Variants in FUBP3 observed in about 807,000 individuals in gnomAD.
FUBP3 encodes the protein far upstream element-binding protein 3.
A neutral mutation model predicts 85.6 loss-of-function variants in FUBP3; 28 were observed. The ratio of observed to expected loss-of-function variants is 0.33; its 90% confidence interval spans 0.24 to 0.45. The LOEUF is 0.45. Among genes scored for constraint, FUBP3 ranks in the 20% least tolerant of loss-of-function variants. The probability of loss-of-function intolerance (pLI) is 1.00; values close to 1 mark genes in which losing one functional copy is unlikely to be tolerated. For synonymous variants in FUBP3, 271 were observed against 271.4 expected (o/e 1.00, Z 0.01); for missense variants, 583 against 755.1 (o/e 0.77, Z 2.67).
In FUBP3 at chr9:130,617,779, G is replaced by C. The variant is rs182546437; in HGVS notation, c.568-18G>C. The stretch of plus-strand genomic sequence containing the variant: ...CCTGCATTATTCATGAGGCTGTGCT[G>C]GTGTGTGTTCCCCACAGGAGCGGAC... On this transcript the variant is annotated intron_variant, in intron 7 of 18. Coordinates refer to ENST00000319725, the MANE Select transcript of FUBP3 (RefSeq NM_003934.2). 355 of 1,437,870 alleles carry C rather than the reference G, an allele frequency of 2.5e-4. No homozygotes were observed. Among genetic ancestry groups the C allele is most frequent in the Non-Finnish European group, 3.3e-4 (333 of 1,019,226 alleles). The allele number at this position is 1,437,870 out of a possible 1,614,324, so 89.1% of individuals were successfully genotyped here.
At chr9:130,605,036 A>G (rs992959638) in intron 2 of FUBP3, among the ~76,000 whole-genome samples, 25 of 152,182 alleles carry the variant, frequency 1.6e-4, no homozygotes, top group Admixed American at 1.3e-3. Context: ...CCCTTATTAT[A>G]TATGGTACAT....
chr9:130,617,786 G>C lies in FUBP3; in HGVS notation c.568-11G>C. The C allele has an allele frequency of 1.3e-6, 2 of 1,526,378 alleles. No individual in the cohort carries two copies. Among genetic ancestry groups the C allele is most frequent in the Non-Finnish European group, 9.1e-7 (1 of 1,099,982 alleles). 94.6% of individuals were successfully genotyped at this position (1,526,378 alleles called of 1,614,324 possible). ...TATTCATGAGGCTGTGCTGGTGTGT[G>C]TTCCCCACAGGAGCGGACAGGGGTG... On this transcript the variant is annotated splice_polypyrimidine_tract_variant and intron_variant, in intron 7 of 18. Coordinates refer to ENST00000319725, the MANE Select transcript of FUBP3 (RefSeq NM_003934.2).
At chr9:130,599,383 G>GTGTA (rs1554737426) in intron 2 of FUBP3, among the ~76,000 whole-genome samples, 8 of 142,760 alleles carry the variant, frequency 5.6e-5, no homozygotes, top group African/African-American at 8.2e-5. Flanking sequence ...GTGTGTGTGT[G>GTGTA]TATATATATA....
At position 130,612,610 on chromosome 9, in the gene FUBP3, TTG is replaced by T. The variant is rs1287206099; in HGVS notation, c.274+108_274+109del. 22 of 772,516 alleles carry T rather than the reference TTG, an allele frequency of 2.8e-5. No homozygotes were observed. The East Asian group carries it at 4.3e-4, about 15-fold the overall frequency. 47.9% of individuals were successfully genotyped at this position (772,516 alleles called of 1,614,324 possible). A position where few individuals can be genotyped will look rare whatever the true frequency, so the allele number is the denominator to read the frequency against. On this transcript the variant is annotated intron_variant, in intron 4 of 18. Transcript: ENST00000319725. The surrounding 1 kb of genome is among the most constrained non-coding windows in gnomAD (Gnocchi z 4.1). ...GATGTTCTTTTTGTTTTAATCTCTCTTGTGAGTATCACCTGTAGTAGAATGCT... is the reference window on the plus strand; with the variant it reads ...GATGTTCTTTTTGTTTTAATCTCTCTTGAGTATCACCTGTAGTAGAATGCT...
At chr9:130,633,243 T>A (rs59779452) in intron 16 of FUBP3, among the ~76,000 whole-genome samples, 2 of 152,218 alleles carry the variant, frequency 1.3e-5, no homozygotes, top group Non-Finnish European at 2.9e-5. Context: ...TCCCTTTTTT[T>A]CCCCAGTATC....
intron 11 of FUBP3, among the ~76,000 whole-genome samples, chr9:130,625,030 G>A (rs568457344): frequency 4.6e-5 from 7 of 152,304 alleles, no homozygotes; most frequent in African/African-American, 1.4e-4. Flanking sequence ...GACCAACATG[G>A]TGAGACCCGT....
At chr9:130,583,272 G>C (rs1173736005) in intron 1 of FUBP3, among the ~76,000 whole-genome samples, 1 of 152,206 alleles carries the variant, frequency 6.6e-6, no homozygotes, top group Non-Finnish European at 1.5e-5. Context: ...CACAGTTTAA[G>C]CCTGAGCAGT....
intron 1 of FUBP3, among the ~76,000 whole-genome samples, chr9:130,587,414 T>C (rs2119007325): frequency 6.6e-6 from 1 of 152,146 alleles, no homozygotes; most frequent in South Asian, 2.1e-4. Context: ...TTCGATGGAA[T>C]GGAAGGGGAA....
intron 12 of FUBP3, among the ~76,000 whole-genome samples, chr9:130,630,132 A>T (rs572958273): frequency 6.6e-6 from 1 of 152,338 alleles, no homozygotes; most frequent in East Asian, 1.9e-4. Context: ...GGCTCCAGGC[A>T]TGGTTGGGCC....
intron 3 of FUBP3, 127 bp downstream of exon 3, chr9:130,610,114 A>T (rs1831664367): frequency 1.3e-6 from 1 of 752,666 alleles, no homozygotes; most frequent in Non-Finnish European, 2.3e-6. Context: ...GGCTTCTTTA[A>T]GACTCGAGTT....
intron 1 of FUBP3, among the ~76,000 whole-genome samples, chr9:130,587,401 G>A (rs1352016949): frequency 1.3e-5 from 2 of 152,070 alleles, no homozygotes; most frequent in Non-Finnish European, 2.9e-5. Flanking sequence ...ATTGTTGGTG[G>A]AATTCGATGG....
intron 8 of FUBP3, among the ~76,000 whole-genome samples, chr9:130,618,258 T>C (rs1832109320): frequency 6.6e-6 from 1 of 152,224 alleles, no homozygotes; most frequent in Admixed American, 6.5e-5. Flanking sequence ...GTTGGTTTTT[T>C]GTTTTGTTTC....
intron 1 of FUBP3, among the ~76,000 whole-genome samples, chr9:130,591,013 T>G (rs964413508): frequency 6.9e-4 from 63 of 90,650 alleles, no homozygotes; most frequent in Admixed American, 2.6e-3. Context: ...TTGTTTGTTT[T>G]TGTTTTTTTT....
At chr9:130,632,937 C>T (rs897830255) in intron 16 of FUBP3, among the ~76,000 whole-genome samples, 2 of 152,260 alleles carry the variant, frequency 1.3e-5, no homozygotes, top group African/African-American at 2.4e-5. Context: ...GTACGATCCA[C>T]GTTCTTTTGA....
In FUBP3 at chr9:130,612,832, G is replaced by T; in HGVS notation, c.275-124G>T. The T allele has an allele frequency of 1.4e-6, 1 of 710,226 alleles. No homozygotes were observed. Among genetic ancestry groups the T allele is most frequent in the East Asian group, 2.5e-5 (1 of 39,274 alleles). 44.0% of individuals were successfully genotyped at this position (710,226 alleles called of 1,614,324 possible). A position where few individuals can be genotyped will look rare whatever the true frequency, so the allele number is the denominator to read the frequency against. ...CCCAAAGAGTGGAGATGGGCTCACG[G>T]GGGCCAACTCGATGTGTAGTATTGT... On this transcript the variant is annotated intron_variant, in intron 4 of 18. Coordinates refer to ENST00000319725, the MANE Select transcript of FUBP3 (RefSeq NM_003934.2). The surrounding 1 kb of genome is among the most constrained non-coding windows in gnomAD (Gnocchi z 4.1).
chr9:130,623,491 A>T (rs777059766), intron 10 of FUBP3, 120 bp from the exon 11 acceptor site: 183 of 677,928 alleles, frequency 2.7e-4, no homozygotes, highest in Non-Finnish European at 4.5e-4. Flanking sequence ...TGCAGCTGGC[A>T]GTATTCCTGT....
chr9:130,612,585 G>C lies in FUBP3; in HGVS notation c.274+80G>C. ...CTTTTTTTCTGAGCTGCTTTGCCAG[G>C]ATGTTCTTTTTGTTTTAATCTCTCT... On this transcript the variant is annotated intron_variant, in intron 4 of 18. Coordinates refer to ENST00000319725, the MANE Select transcript of FUBP3 (RefSeq NM_003934.2). The surrounding 1 kb of genome is among the most constrained non-coding windows in gnomAD (Gnocchi z 4.1). The C allele has an allele frequency of 2.2e-6, 2 of 922,166 alleles. No individual in the cohort carries two copies. Among genetic ancestry groups the C allele is most frequent in the Non-Finnish European group, 3.6e-6 (2 of 562,960 alleles). The allele number at this position is 922,166 out of a possible 1,614,324, so 57.1% of individuals were successfully genotyped here.
At chr9:130,597,945 A>G (rs933500904) in intron 2 of FUBP3, among the ~76,000 whole-genome samples, 1 of 152,194 alleles carries the variant, frequency 6.6e-6, no homozygotes, top group Non-Finnish European at 1.5e-5. Flanking sequence ...AGGGCTTCAT[A>G]TTTAGAGGGA....
At chr9:130,589,980 G>T (rs1333284940) in intron 1 of FUBP3, among the ~76,000 whole-genome samples, 1 of 142,134 alleles carries the variant, frequency 7.0e-6, no homozygotes, top group Non-Finnish European at 1.5e-5. Flanking sequence ...CCTTCCAAGT[G>T]CTGGGATTAC....
Sources: gnomAD v4.1 joint callset for allele counts (sites outside exome capture counted in the v4.1 genomes callset) on GRCh38, gnomAD v4.1.1 for gene constraint, Gnocchi (gnomAD v3.1) non-coding constraint, MANE v1.5 for transcripts, NCBI Gene and HGNC (gene_info 2026-07-23, HGNC 2026-07-21) for gene names.